Variants in ABR observed in about 807,000 individuals in gnomAD.
ABR encodes the protein active breakpoint cluster region-related protein.
In ABR, 35 loss-of-function variants were observed where a neutral mutation model predicts 107.2. The observed-to-expected ratio is 0.33, with a 90% CI of 0.25 to 0.43. The LOEUF (loss-of-function observed/expected upper bound fraction) is 0.43. ABR is among the 20% of genes least tolerant of loss of function. The pLI is 1.00. For missense variants in ABR, 815 were observed against 1,115.2 expected, an observed-to-expected ratio of 0.73 and a Z score of 3.83; for synonymous variants, 498 against 462.0, an observed-to-expected ratio of 1.08 and a Z score of -1.00.
chr17:1,108,941 G>T, intron 2 of ABR: 2 of 1,592,844 alleles, frequency 1.3e-6, no homozygotes, highest in Non-Finnish European at 1.7e-6. Context: ...CACCTTCACA[G>T]CCACCAGGAA....
chr17:1,137,011 TTCTC>T (rs1194617096), intron 1 of ABR, among the ~76,000 whole-genome samples: 8 of 12,688 alleles, frequency 6.3e-4, no homozygotes, highest in African/African-American at 8.9e-4. Context: ...CATTTCTTTT[TTCTC>T]TCTCTCTCTC....
chr17:1,097,108 G>T (rs868427731), intron 3 of ABR, among the ~76,000 whole-genome samples: 2 of 152,320 alleles, frequency 1.3e-5, no homozygotes, highest in Non-Finnish European at 2.9e-5. Flanking sequence ...GGGGCTCTTG[G>T]TCTTGGCCCA....
At chr17:1,225,017 C>T (rs1050518174) in intron 1 of ABR, among the ~76,000 whole-genome samples, 3 of 151,708 alleles carry the variant, frequency 2.0e-5, no homozygotes, top group African/African-American at 7.3e-5. Flanking sequence ...GGCGTGGTGG[C>T]GGGCACCTGT....
At chr17:1,013,636 A>G (rs1230662320) in intron 16 of ABR, among the ~76,000 whole-genome samples, 1 of 152,230 alleles carries the variant, frequency 6.6e-6, no homozygotes, top group African/African-American at 2.4e-5. Context: ...AAGAGTCAGG[A>G]GCCCGCGCAC....
At chr17:1,190,155 GA>G (rs1426556245), upstream of ABR, among the ~76,000 whole-genome samples, 2 of 152,170 alleles carry the variant, frequency 1.3e-5, no homozygotes, top group Non-Finnish European at 2.9e-5. Flanking sequence ...AACCCTAACT[GA>G]AAATTCCCCA....
At chr17:1,093,120 C>T (rs1428183707) in intron 3 of ABR, among the ~76,000 whole-genome samples, 5 of 151,832 alleles carry the variant, frequency 3.3e-5, no homozygotes, top group Non-Finnish European at 7.4e-5. Context: ...CGCGCCCGGC[C>T]AGCCATGTCG....
At chr17:1,013,342 C>T (rs905932489) in intron 16 of ABR, 178 bp from the exon 17 acceptor site, 6 of 673,074 alleles carry the variant, frequency 8.9e-6, no homozygotes, top group Non-Finnish European at 1.5e-5. Flanking sequence ...GCCCCCAGGC[C>T]CCTGTGGCCG....
chr17:1,084,001 G>A lies in ABR; in HGVS notation c.532-374C>T, dbSNP rs567850142. On this transcript the variant is annotated intron_variant, in intron 4 of 22. Coordinates refer to ENST00000302538, the MANE Select transcript of ABR (RefSeq NM_021962.5). This position sits in a 1 kb window ranked among gnomAD's most constrained non-coding sequence, Gnocchi z 4.2. ...CTTCCTTCACATCCTGGAATTAGCC[G>A]GAGCAGGGAGAGAGGGGGGTGTGTG... Among the ~76,000 whole-genome samples, 24 of 152,280 alleles carry A rather than the reference G, an allele frequency of 1.6e-4. No individual in the cohort carries two copies. The highest frequency in any genetic ancestry group is 3.4e-4 in the African/African-American group (14 of 41,560).
At chr17:1,134,609 A>G (rs1417895896) in intron 1 of ABR, among the ~76,000 whole-genome samples, 1 of 152,164 alleles carries the variant, frequency 6.6e-6, no homozygotes, top group African/African-American at 2.4e-5. Context: ...CAGCCCAGAG[A>G]GGAAGCGAGT....
At chr17:1,073,179 CAAAAAAAAA>C (rs35495689) in intron 7 of ABR, among the ~76,000 whole-genome samples, 1 of 53,230 alleles carries the variant, frequency 1.9e-5, no homozygotes, top group African/African-American at 7.8e-5. Flanking sequence ...GACTCCGCCT[CAAAAAAAAA>C]AAAAAAAAAA....
intron 2 of ABR, among the ~76,000 whole-genome samples, chr17:1,115,641 T>C (rs978172144): frequency 3.9e-5 from 6 of 152,264 alleles, no homozygotes; most frequent in Admixed American, 3.9e-4. Flanking sequence ...AAAGCTAATG[T>C]TGGCCAGATG....
Position 1,071,412 on chromosome 17 carries a change from C to A in ABR, c.894+1202G>T, listed in dbSNP as rs190544859. Among the ~76,000 whole-genome samples the A allele has an allele frequency of 6.6e-6, 1 of 152,152 alleles. No individual in the cohort carries two copies. The highest frequency in any genetic ancestry group is 1.5e-5 in the Non-Finnish European group (1 of 68,034). ...CCCTGTCAGCCTCACTCGTAACGGC[C>A]GCCTAATGGCCTCCCCTGGACAGGA... On this transcript the variant is annotated intron_variant, in intron 8 of 22. Transcript: ENST00000302538. This position sits in a 1 kb window ranked among gnomAD's most constrained non-coding sequence, Gnocchi z 5.1.
At chr17:1,214,574 G>A (rs1481842847) in intron 1 of ABR, among the ~76,000 whole-genome samples, 1 of 152,124 alleles carries the variant, frequency 6.6e-6, no homozygotes, top group African/African-American at 2.4e-5. Flanking sequence ...GGCTGAGGCA[G>A]GTAGATCACC....
chr17:1,025,662 T>G (rs1233413969), intron 16 of ABR, among the ~76,000 whole-genome samples: 1 of 152,202 alleles, frequency 6.6e-6, no homozygotes, highest in Non-Finnish European at 1.5e-5. Flanking sequence ...GGCTGAATTC[T>G]TCTTGTCATT....
chr17:1,013,208 C>T, intron 16 of ABR, 44 bp from the exon 17 acceptor site: 1 of 1,587,886 alleles, frequency 6.3e-7, no homozygotes. Flanking sequence ...AGCTCGGAGG[C>T]CAAGCCAGAG....
chr17:1,016,373 G>A (rs1201760770), intron 16 of ABR, among the ~76,000 whole-genome samples: 2 of 149,574 alleles, frequency 1.3e-5, no homozygotes, highest in Admixed American at 1.4e-4. Flanking sequence ...CTGGAGTGCA[G>A]TGGTGCAGTC....
In ABR at chr17:1,027,644, G is replaced by C. The variant is rs544727272; in HGVS notation, c.1792-14480C>G. Among the ~76,000 whole-genome samples, 3 of 152,082 alleles carry C rather than the reference G, an allele frequency of 2.0e-5. No individual in the cohort carries two copies. In the South Asian group the frequency reaches 6.3e-4, roughly 32 times the overall value. Reference sequence around the variant, plus strand: ...TGTCAGCCAGCCTGGCCGCAGTCAGGACCCACACATAGGCCCAGGAAGAGG... The same window carrying C: ...TGTCAGCCAGCCTGGCCGCAGTCAGCACCCACACATAGGCCCAGGAAGAGG... On this transcript the variant is annotated intron_variant, in intron 16 of 22. Coordinates refer to ENST00000302538, the MANE Select transcript of ABR (RefSeq NM_021962.5). This position sits in a 1 kb window ranked among gnomAD's most constrained non-coding sequence, Gnocchi z 4.7.
chr17:1,096,056 C>T (rs898658794), intron 3 of ABR, among the ~76,000 whole-genome samples: 1 of 152,186 alleles, frequency 6.6e-6, no homozygotes, highest in African/African-American at 2.4e-5. Flanking sequence ...GCTCAGTTCC[C>T]AGTGTCAAGG....
Position 1,203,427 on chromosome 17 carries a change from C to T in ABR, c.838+25366G>A, listed in dbSNP as rs1210389888. On this transcript the variant is annotated intron_variant, in intron 1 of 22. Coordinates refer to the ABR transcript ENST00000574139. The stretch of plus-strand genomic sequence containing the variant: ...GGGGGCGGAGTCTGCGGGGGCGGGG[C>T]CCGCGGGGACGGAGTCTGCGGGGGC... 5.3e-4 allele frequency among the ~76,000 whole-genome samples: 25 copies of T among 46,898 alleles called. 8 individuals are homozygous for T. The East Asian group carries it at 0.016, about 30-fold the overall frequency. The allele number at this position is 46,898 out of a possible 152,430, so 30.8% of individuals were successfully genotyped here.
Sources: allele counts gnomAD v4.1 joint callset (sites outside exome capture counted in the v4.1 genomes callset), GRCh38; gene constraint gnomAD v4.1.1; non-coding constraint Gnocchi (gnomAD v3.1); transcripts MANE v1.5; gene names NCBI Gene and HGNC (gene_info 2026-07-23, HGNC 2026-07-21).